The following SLC13A4 variants were observed in gnomAD, a reference collection of about 807,000 sequenced individuals.
SLC13A4 encodes Na(+)/sulfate cotransporter SUT-1.
In SLC13A4, 28 loss-of-function variants were observed where a neutral mutation model predicts 72.7. That is an observed-to-expected ratio of 0.39 (90% CI 0.29 to 0.53). The LOEUF (loss-of-function observed/expected upper bound fraction) is 0.53. Ranked by LOEUF, SLC13A4 falls within the 20% of genes least tolerant of loss-of-function variation. The pLI is 0.78. For synonymous variants in SLC13A4, 312 were observed against 325.5 expected (o/e 0.96, Z 0.45); for missense variants, 653 against 788.0 (o/e 0.83, Z 2.05).
Position 135,715,327 on chromosome 7 carries a change from G to C in SLC13A4, c.228+6068C>G, listed in dbSNP as rs866251417. On this transcript the variant is annotated intron_variant, in intron 2 of 15. Coordinates refer to ENST00000682651, the MANE Select transcript of SLC13A4 (RefSeq NM_001318192.2). ...TATCTAAGCATGTGTATGTGTGTGA[G>C]TAAGTGTATGTATATGTGAGCGTGT... Among the ~76,000 whole-genome samples the C allele has an allele frequency of 7.7e-3, 974 of 125,998 alleles. 11 individuals carry two copies. The highest frequency in any genetic ancestry group is 0.061 in the South Asian group (252 of 4,142). The allele number at this position is 125,998 out of a possible 152,430, so 82.7% of individuals were successfully genotyped here.
intron 6 of SLC13A4, 84 bp downstream of exon 6, chr7:135,702,761 T>TGGTTCTGAA (rs1796068235): frequency 8.9e-7 from 1 of 1,121,032 alleles, no homozygotes; most frequent in African/African-American, 1.5e-5. Context: ...GTTGAAAATC[T>TGGTTCTGAA]GGTTCTGAAT....
intron 8 of SLC13A4, 76 bp from the exon 9 acceptor site, chr7:135,695,563 G>A (rs898464845): frequency 6.7e-7 from 1 of 1,501,424 alleles, no homozygotes; most frequent in Non-Finnish European, 9.1e-7. Context: ...TATGCCAAAT[G>A]CTCCCTAAAA....
At chr7:135,711,768 GT>G (rs551112196) in intron 2 of SLC13A4, among the ~76,000 whole-genome samples, 62 of 151,800 alleles carry the variant, frequency 4.1e-4, no homozygotes, top group Admixed American at 1.3e-3. Flanking sequence ...TTTTGTTTTT[GT>G]TTTTTTGAGA....
intron 2 of SLC13A4, among the ~76,000 whole-genome samples, chr7:135,719,586 A>G: frequency 6.6e-6 from 1 of 152,042 alleles, no homozygotes; most frequent in South Asian, 2.1e-4. Context: ...AAAACCCCAT[A>G]TTACCTATTC....
At chr7:135,703,031 T>C in intron 5 of SLC13A4, 147 bp from the exon 6 acceptor site, 3 of 623,698 alleles carry the variant, frequency 4.8e-6, no homozygotes, top group Non-Finnish European at 8.5e-6. Context: ...ATCTCTCCCT[T>C]GTCTTCCTTG....
chr7:135,683,980 G>T, intron 15 of SLC13A4, 144 bp downstream of exon 15: 2 of 975,568 alleles, frequency 2.1e-6, no homozygotes, highest in East Asian at 2.9e-5. Flanking sequence ...CCTTTTTATA[G>T]GTGCTATTCT....
At chr7:135,711,962 G>GGT (rs1563167348) in intron 2 of SLC13A4, among the ~76,000 whole-genome samples, 4 of 59,614 alleles carry the variant, frequency 6.7e-5, no homozygotes, top group African/African-American at 2.3e-4. Flanking sequence ...AATGTTTTTG[G>GGT]ATTTTTTTTT....
At chr7:135,711,567 G>A (rs754607548) in intron 2 of SLC13A4, among the ~76,000 whole-genome samples, 16 of 152,096 alleles carry the variant, frequency 1.1e-4, no homozygotes, top group Non-Finnish European at 2.1e-4. Flanking sequence ...GGGGGTTTAG[G>A]GAGCATCTCC....
intron 7 of SLC13A4, among the ~76,000 whole-genome samples, chr7:135,700,947 A>G (rs1330428027): frequency 6.6e-6 from 1 of 152,138 alleles, no homozygotes; most frequent in Admixed American, 6.5e-5. Context: ...CATGCATCCA[A>G]TTTTGTAATT....
intron 13 of SLC13A4, among the ~76,000 whole-genome samples, chr7:135,687,644 G>T (rs556703672): frequency 5.3e-5 from 8 of 152,236 alleles, no homozygotes; most frequent in South Asian, 4.1e-4. Flanking sequence ...AGAGCCCCAA[G>T]GCCTCCAGGA....
intron 1 of SLC13A4, among the ~76,000 whole-genome samples, chr7:135,725,236 C>T (rs917744187): frequency 6.6e-5 from 10 of 152,304 alleles, no homozygotes; most frequent in Admixed American, 3.3e-4. Flanking sequence ...CTCACTTAGG[C>T]GTGGAACTGC....
intron 2 of SLC13A4, 122 bp downstream of exon 2, chr7:135,721,273 A>C: frequency 1.7e-6 from 2 of 1,175,130 alleles, no homozygotes; most frequent in Non-Finnish European, 2.4e-6. Flanking sequence ...TTAAGGGGTC[A>C]TTCCAGTGGG....
At chr7:135,720,569 A>G (rs1031700771) in intron 2 of SLC13A4, among the ~76,000 whole-genome samples, 1 of 151,656 alleles carries the variant, frequency 6.6e-6, no homozygotes, top group South Asian at 2.1e-4. Context: ...AAAAAAAAAA[A>G]AAAAACCAAA....
chr7:135,713,828 G>A (rs2129495121), intron 2 of SLC13A4, among the ~76,000 whole-genome samples: 1 of 152,254 alleles, frequency 6.6e-6, no homozygotes, highest in East Asian at 1.9e-4. Context: ...TCCCACCTTG[G>A]CCTCCCAAAG....
Position 135,702,868 on chromosome 7 carries a change from G to A in SLC13A4, c.610C>T (p.Leu204Phe). 3 of 1,613,890 alleles carry A rather than the reference G, an allele frequency of 1.9e-6. No homozygotes were observed. Among genetic ancestry groups the A allele is most frequent in the Non-Finnish European group, 1.7e-6 (2 of 1,179,770 alleles). ...ACCTCGTTGTGCATCAGAGTGGTGA[G>A]GTCTGCGTTGGACCTGCTGGAACCA... Reference protein sequence around the residue: ...FVNEDRSNADLTTLMHNENLN... With the variant: ...FVNEDRSNADFTTLMHNENLN... Residue 204 changes from leucine to phenylalanine, a missense_variant, in exon 6 of 16, where the codon CTC (leucine) becomes TTC (phenylalanine). Physicochemically the swap from Leu to Phe is conservative, Grantham distance 22. Coordinates refer to ENST00000682651, the MANE Select transcript of SLC13A4 (RefSeq NM_001318192.2).
intron 15 of SLC13A4, among the ~76,000 whole-genome samples, chr7:135,683,056 T>A (rs1428701608): frequency 6.6e-6 from 1 of 151,996 alleles, no homozygotes; most frequent in Non-Finnish European, 1.5e-5. Flanking sequence ...GCCAGCACTT[T>A]GGGAGGCCAA....
rs569934717 is a variant in SLC13A4 at position 135,727,470 on chromosome 7, T to C, written c.27A>G (p.Arg9=). ...AGACGACCAGCAGCAGCTTCCGGACTCGGAGCAGGCCCTGCAGCAGGCCCA... is the reference window on the plus strand; with the variant it reads ...AGACGACCAGCAGCAGCTTCCGGACCCGGAGCAGGCCCTGCAGCAGGCCCA... MGLLQGLL[R]VRKLLLVVCV... is the part of the protein sequence containing the mutation. Residue 9 remains arginine (R), a synonymous_variant, in exon 1 of 16, where the codon CGA becomes CGG. Transcript: ENST00000682651. 2.2e-5 allele frequency: 34 copies of C among 1,550,496 alleles called. No homozygotes were observed. In the Admixed American group the frequency reaches 4.9e-4, roughly 22 times the overall value.
At chr7:135,685,450 C>G (rs1245033954) in intron 14 of SLC13A4, 72 bp downstream of exon 14, 1 of 1,433,058 alleles carries the variant, frequency 7.0e-7, no homozygotes, top group East Asian at 2.3e-5. Flanking sequence ...CGGAAGCTGC[C>G]CTGAGCCAGG....
At chr7:135,687,365 C>T (rs1563155441) in intron 13 of SLC13A4, among the ~76,000 whole-genome samples, 1 of 152,090 alleles carries the variant, frequency 6.6e-6, no homozygotes, top group African/African-American at 2.4e-5. Flanking sequence ...TCCTGCTACA[C>T]ATGTTTTACT....
Sources: gnomAD v4.1 joint callset for allele counts (sites outside exome capture counted in the v4.1 genomes callset) on GRCh38, gnomAD v4.1.1 for gene constraint, MANE v1.5 for transcripts, NCBI Gene and HGNC (gene_info 2026-07-23, HGNC 2026-07-21) for gene names.